The following BIN1 variants were observed in gnomAD, a reference collection of about 807,000 sequenced individuals.
BIN1 encodes the protein myc box-dependent-interacting protein 1.
A neutral mutation model predicts 82.0 loss-of-function variants in BIN1; 53 were observed. That is an observed-to-expected ratio of 0.65 (90% CI 0.52 to 0.81). The LOEUF (loss-of-function observed/expected upper bound fraction) is 0.81. BIN1 is among the 40% of genes least tolerant of loss of function. BIN1 has a pLI of 0.00. For synonymous variants in BIN1, 302 were observed against 328.0 expected, an observed-to-expected ratio of 0.92 and a Z score of 0.86; for missense variants, 642 against 784.4, an observed-to-expected ratio of 0.82 and a Z score of 2.17.
Position 127,064,072 on chromosome 2 carries a change from C to CCCATGGCCAGTCCTCCCACCT in BIN1, c.613-75_613-55dup, listed in dbSNP as rs1684852391. ...TGTTGGGCGTCCCAGCCAGCCCAGC[C>CCCATGGCCAGTCCTCCCACCT]CCATGGCCAGTCCTCCCACCTCCTG... On this transcript the variant is annotated intron_variant, in intron 7 of 18. Transcript: ENST00000316724. The CCCATGGCCAGTCCTCCCACCT allele has an allele frequency of 3.1e-6, 5 of 1,603,810 alleles. No individual in the cohort carries two copies. In the Admixed American group the frequency reaches 6.7e-5, roughly 22 times the overall value.
chr2:127,072,976 C>T (rs1389523756), intron 2 of BIN1, among the ~76,000 whole-genome samples: 2 of 152,222 alleles, frequency 1.3e-5, no homozygotes, highest in African/African-American at 2.4e-5. Context: ...AGCTTCTCTC[C>T]CTGCCAGGCC....
intron 1 of BIN1, among the ~76,000 whole-genome samples, chr2:127,087,835 C>A (rs1199328683): frequency 1.3e-5 from 2 of 152,124 alleles, no homozygotes; most frequent in African/African-American, 4.8e-5. Flanking sequence ...GGCTGGAGGA[C>A]CCCCTGGATC....
chr2:127,069,927 C>T, intron 5 of BIN1, 68 bp downstream of exon 5: 1 of 1,531,464 alleles, frequency 6.5e-7, no homozygotes, highest in Non-Finnish European at 9.0e-7. Context: ...GCCGCACGTC[C>T]TAGGCCCTGT....
chr2:127,060,497 T>G, intron 10 of BIN1: 1 of 1,551,160 alleles, frequency 6.4e-7, no homozygotes, highest in Non-Finnish European at 8.9e-7. Context: ...AGAGCCAGAT[T>G]ACGGGTTAGT....
At chr2:127,056,409 C>A (rs1267993938) in intron 12 of BIN1, 1 of 152,474 alleles carries the variant, frequency 6.6e-6, no homozygotes, top group Admixed American at 6.5e-5. Context: ...CCTGCAGCCT[C>A]AGTTCCTTAG....
chr2:127,087,769 C>T (rs1399495127), intron 1 of BIN1, among the ~76,000 whole-genome samples: 1 of 152,184 alleles, frequency 6.6e-6, no homozygotes, highest in African/African-American at 2.4e-5. Context: ...GCACACGGCC[C>T]ACCGCTACCA....
At chr2:127,053,747 C>A (rs758683621) in intron 13 of BIN1, 158 bp downstream of exon 13, 18 of 760,168 alleles carry the variant, frequency 2.4e-5, no homozygotes, top group Non-Finnish European at 3.8e-5. Flanking sequence ...CTGCTTCCTG[C>A]CCTACAACCA....
Position 127,087,380 on chromosome 2 carries a change from C to T in BIN1, c.85-10674G>A, listed in dbSNP as rs553119327. Among the ~76,000 whole-genome samples, 6 of 152,372 alleles carry T rather than the reference C, an allele frequency of 3.9e-5. No individual in the cohort carries two copies. The South Asian group carries it at 1.2e-3, about 32-fold the overall frequency. ...GACTCCAGGCCAGGAAGGCCCCCTC[C>T]CCGTCCTCTCTCTCATCCCTCCCAG... is the stretch of plus-strand genomic sequence containing the variant. On this transcript the variant is annotated intron_variant, in intron 1 of 18. Coordinates refer to ENST00000316724, the MANE Select transcript of BIN1 (RefSeq NM_139343.3).
rs192877291 is a variant in BIN1, at chr2:127,069,059, C to T, written c.412-28G>A. On this transcript the variant is annotated intron_variant, in intron 5 of 18. Transcript: ENST00000316724. ...GGGGCAGACAGAGGAGGGCACTAAG[C>T]GGGGCCTGGCACCCCTGCTGAGACT... 2.8e-3 allele frequency: 4,522 copies of T among 1,603,580 alleles called. 7 individuals are homozygous for T. The highest frequency in any genetic ancestry group is 3.6e-3 in the Non-Finnish European group (4,165 of 1,171,718).
At position 127,093,183 on chromosome 2, in the gene BIN1, G is replaced by A. The variant is rs1262135156; in HGVS notation, c.84+13677C>T. Among the ~76,000 whole-genome samples, 1 of 152,122 alleles carries A rather than the reference G, an allele frequency of 6.6e-6. No individual in the cohort carries two copies. ...GCCTGGCCCCCACAAGGCCCTGTCG[G>A]GGCTCAGAACACAGCACCCCAAAGT... On this transcript the variant is annotated intron_variant, in intron 1 of 18. Coordinates refer to ENST00000316724, the MANE Select transcript of BIN1 (RefSeq NM_139343.3). This position sits in a 1 kb window ranked among gnomAD's most constrained non-coding sequence, Gnocchi z 5.7.
At chr2:127,069,205 C>T (rs536689396) in intron 5 of BIN1, among the ~76,000 whole-genome samples, 174 bp from the exon 6 acceptor site, 4 of 152,202 alleles carry the variant, frequency 2.6e-5, no homozygotes, top group African/African-American at 4.8e-5. Flanking sequence ...CCCTCCTGGC[C>T]GTCCAGCCCC....
At chr2:127,091,609 C>T (rs1160184482) in intron 1 of BIN1, among the ~76,000 whole-genome samples, 1 of 152,148 alleles carries the variant, frequency 6.6e-6, no homozygotes, top group Admixed American at 6.5e-5. Flanking sequence ...GGTTGGCTGA[C>T]CGGGCGTGGT....
chr2:127,100,999 C>CGGGGGGGGGGGGGGGGGGGGGGGG (rs1553487375), intron 1 of BIN1, among the ~76,000 whole-genome samples: 1 of 101,684 alleles, frequency 9.8e-6, no homozygotes, highest in African/African-American at 5.0e-5. Flanking sequence ...TAGGAATGTG[C>CGGGGGGGGGGGGGGGGGGGGGGGG]GGGGGGTGGG....
At position 127,094,567 on chromosome 2, in the gene BIN1, G is replaced by A. The variant is rs763464873; in HGVS notation, c.84+12293C>T. On this transcript the variant is annotated intron_variant, in intron 1 of 18. Coordinates refer to ENST00000316724, the MANE Select transcript of BIN1 (RefSeq NM_139343.3). The stretch of plus-strand genomic sequence containing the variant: ...AGCTCCGGTCCCTCTGTCTCTCCCC[G>A]CATGGCTCAGGCACACAGTCTAAGC... Among the ~76,000 whole-genome samples, 18 of 152,160 alleles carry A rather than the reference G, an allele frequency of 1.2e-4. 1 individual carries two copies. Among genetic ancestry groups the A allele is most frequent in the Non-Finnish European group, 2.5e-4 (17 of 68,010 alleles).
chr2:127,101,059 C>T (rs1288876893), intron 1 of BIN1, among the ~76,000 whole-genome samples: 1 of 149,508 alleles, frequency 6.7e-6, no homozygotes, highest in East Asian at 2.0e-4. Context: ...CCCAGAGTTG[C>T]TGCCTGGCAT....
At chr2:127,092,912 A>G in intron 1 of BIN1, among the ~76,000 whole-genome samples, 1 of 152,036 alleles carries the variant, frequency 6.6e-6, no homozygotes, top group Non-Finnish European at 1.5e-5. Context: ...CTCCTCCCCA[A>G]GGGCTCTCTC....
At chr2:127,058,981 G>C (rs368486367) in intron 11 of BIN1, 30 bp downstream of exon 11, 91 of 1,552,790 alleles carry the variant, frequency 5.9e-5, no homozygotes, top group Non-Finnish European at 7.8e-5. Flanking sequence ...AGGGAGGGCA[G>C]GGGACCTGCT....
Position 127,050,773 on chromosome 2 carries a change from ACTGCAGCAGTCAGAGG to A in BIN1, c.1572+13_1572+28del, listed in dbSNP as rs771128647. On this transcript the variant is annotated intron_variant, in intron 17 of 18. Transcript: ENST00000316724. Reference sequence around the variant, plus strand: ...CATCTGCCCACCAGGGCACCGAGGGACTGCAGCAGTCAGAGGCTGTGGGCTCACCTTGAACATGAAA... The same window carrying A: ...CATCTGCCCACCAGGGCACCGAGGGACTGTGGGCTCACCTTGAACATGAAA... 1 of 1,605,912 alleles carries A rather than the reference ACTGCAGCAGTCAGAGG, an allele frequency of 6.2e-7. No individual in the cohort carries two copies. The highest frequency in any genetic ancestry group is 1.1e-5 in the South Asian group (1 of 90,932).
intron 1 of BIN1, among the ~76,000 whole-genome samples, chr2:127,106,272 G>C (rs575799778): frequency 1.2e-4 from 19 of 152,368 alleles, no homozygotes; most frequent in African/African-American, 4.3e-4. Flanking sequence ...GGAGCTTCCA[G>C]GCCGCAGGCA....
Sources: allele counts gnomAD v4.1 joint callset (sites outside exome capture counted in the v4.1 genomes callset), GRCh38; gene constraint gnomAD v4.1.1; non-coding constraint Gnocchi (gnomAD v3.1); transcripts MANE v1.5; gene names NCBI Gene and HGNC (gene_info 2026-07-23, HGNC 2026-07-21).